The following MSH3 variants were observed in gnomAD, a reference collection of about 807,000 sequenced individuals.
MSH3 encodes mutS homolog 3, also known as DNA mismatch repair protein Msh3.
A neutral mutation model predicts 123.3 loss-of-function variants in MSH3; 106 were observed. The observed-to-expected ratio is 0.86, with a 90% confidence interval of 0.73 to 1.01. MSH3 has a LOEUF of 1.01. MSH3 is among the 50% of genes least tolerant of loss of function. MSH3 has a pLI of 0.00. For missense variants in MSH3, 1,459 were observed against 1,347.6 expected (o/e 1.08, Z -1.29); for synonymous variants, 515 against 481.4 (o/e 1.07, Z -0.91).
intron 15 of MSH3, among the ~76,000 whole-genome samples, chr5:80,772,411 GGAGT>G (rs574122565): frequency 3.5e-4 from 54 of 152,148 alleles, no homozygotes; most frequent in Non-Finnish European, 6.6e-4. Flanking sequence ...AGCAGTTTCT[GGAGT>G]GAGTAAGAGT....
intron 10 of MSH3, among the ~76,000 whole-genome samples, chr5:80,730,037 T>C (rs1037360232): frequency 6.6e-6 from 1 of 152,178 alleles, no homozygotes; most frequent in East Asian, 1.9e-4. Flanking sequence ...GGGTTCTTTT[T>C]GTAATGTCTT....
At chr5:80,701,676 A>C (rs1419321166) in intron 8 of MSH3, among the ~76,000 whole-genome samples, 2 of 152,060 alleles carry the variant, frequency 1.3e-5, no homozygotes, top group Non-Finnish European at 2.9e-5. Flanking sequence ...CTTAGTTCAG[A>C]GCTCCTCTGG....
chr5:80,712,916 T>G (rs1750887006), intron 8 of MSH3, among the ~76,000 whole-genome samples: 1 of 152,148 alleles, frequency 6.6e-6, no homozygotes, highest in African/African-American at 2.4e-5. Context: ...TATGGAGATA[T>G]TAAAGCCAGG....
At chr5:80,855,543 A>C (rs1745901717) in intron 21 of MSH3, 1 of 152,190 alleles carries the variant, frequency 6.6e-6, no homozygotes, top group Admixed American at 6.5e-5. Flanking sequence ...GCATCCTCAG[A>C]TCTAAATTGG....
intron 16 of MSH3, among the ~76,000 whole-genome samples, chr5:80,778,301 T>C (rs1477586675): frequency 6.6e-6 from 1 of 152,234 alleles, no homozygotes; most frequent in Admixed American, 6.5e-5. Flanking sequence ...TTCACTGAAA[T>C]ACTTCAATCA....
intron 8 of MSH3, among the ~76,000 whole-genome samples, chr5:80,706,444 T>C (rs1014306227): frequency 3.9e-5 from 6 of 152,238 alleles, no homozygotes; most frequent in African/African-American, 1.4e-4. Flanking sequence ...TGTAGAGTTC[T>C]TAGAAGAGTA....
chr5:80,824,807 C>G (rs938119710), intron 20 of MSH3, among the ~76,000 whole-genome samples: 1 of 152,174 alleles, frequency 6.6e-6, no homozygotes, highest in Non-Finnish European at 1.5e-5. Context: ...ACATATTTCT[C>G]TATCAGTTTA....
At position 80,778,664 on chromosome 5, in the gene MSH3, A is replaced by T; in HGVS notation, c.2319-56A>T. ...ATAACTAATTTTCTAAAGTGATGGCATTTCGGATTTTTTACTAACCTTGAT... is the reference window on the plus strand; with the variant it reads ...ATAACTAATTTTCTAAAGTGATGGCTTTTCGGATTTTTTACTAACCTTGAT... On this transcript the variant is annotated intron_variant, in intron 16 of 23. Transcript: ENST00000265081. The T allele has an allele frequency of 3.1e-6, 3 of 955,514 alleles. No homozygotes were observed. The East Asian group carries it at 7.1e-5, about 23-fold the overall frequency. 59.2% of individuals were successfully genotyped at this position (955,514 alleles called of 1,614,324 possible).
chr5:80,691,632 A>C (rs1160940298), intron 8 of MSH3, among the ~76,000 whole-genome samples: 1 of 151,034 alleles, frequency 6.6e-6, no homozygotes, highest in Non-Finnish European at 1.5e-5. Context: ...TTTTCACAGA[A>C]ACTGACAAGC....
chr5:80,832,227 TATGGGGAAAGGGGAGAGTTTTCCAGG>T (rs1262933825), intron 20 of MSH3, among the ~76,000 whole-genome samples: 13 of 151,882 alleles, frequency 8.6e-5, no homozygotes, highest in South Asian at 6.2e-4. Flanking sequence ...AGACAGAAAA[TATGGGGAAAGGGGAGAGTTTTCCAGG>T]ATGGGGAAAG....
chr5:80,865,308 T>G (rs1184059505), intron 22 of MSH3, among the ~76,000 whole-genome samples: 2 of 152,190 alleles, frequency 1.3e-5, no homozygotes, highest in African/African-American at 2.4e-5. Flanking sequence ...AGTCATCTTT[T>G]AAAAACGCCC....
At chr5:80,665,493 C>T in intron 3 of MSH3, 130 bp downstream of exon 3, 1 of 709,816 alleles carries the variant, frequency 1.4e-6, no homozygotes, top group Non-Finnish European at 2.4e-6. Flanking sequence ...TCTGAGGGAG[C>T]TTTTGTGTTT....
chr5:80,864,788 CA>C, intron 21 of MSH3, 24 bp from the exon 22 acceptor site: 1 of 1,587,168 alleles, frequency 6.3e-7, no homozygotes, highest in Non-Finnish European at 8.6e-7. Flanking sequence ...AATGAAATAA[CA>C]TTTATTCTGT....
At chr5:80,819,378 G>GTATATATA (rs1561488497) in intron 20 of MSH3, among the ~76,000 whole-genome samples, 1 of 13,842 alleles carries the variant, frequency 7.2e-5, no homozygotes, top group African/African-American at 2.2e-4. Flanking sequence ...GTATATATAT[G>GTATATATA]TGTATATATG....
chr5:80,749,447 T>G (rs537087250), intron 12 of MSH3, among the ~76,000 whole-genome samples: 2 of 152,308 alleles, frequency 1.3e-5, no homozygotes, highest in East Asian at 3.9e-4. Context: ...ATAGCCACAC[T>G]GGCAGCTGAT....
intron 16 of MSH3, among the ~76,000 whole-genome samples, chr5:80,776,243 T>C (rs1744296944): frequency 6.6e-6 from 1 of 152,208 alleles, no homozygotes; most frequent in Non-Finnish European, 1.5e-5. Context: ...TCTTTATCAT[T>C]GATTTTAAAA....
At chr5:80,664,644 CTT>C (rs1749522008) in intron 2 of MSH3, among the ~76,000 whole-genome samples, 1 of 152,170 alleles carries the variant, frequency 6.6e-6, no homozygotes, top group East Asian at 1.9e-4. Context: ...AACCAATCCT[CTT>C]TATTTTAGAA....
intron 8 of MSH3, among the ~76,000 whole-genome samples, chr5:80,722,178 C>T (rs1285195816): frequency 6.6e-6 from 1 of 152,186 alleles, no homozygotes. Context: ...TAAATCAACT[C>T]ATACGATCTC....
chr5:80,808,224 T>G (rs245391), intron 19 of MSH3, among the ~76,000 whole-genome samples: 37,477 of 152,112 alleles, frequency 0.25, 4,893 homozygotes, highest in Non-Finnish European at 0.29. Flanking sequence ...TCTCATTAAT[T>G]ATAATACTTT....
Sources: gnomAD v4.1 joint callset for allele counts (sites outside exome capture counted in the v4.1 genomes callset) on GRCh38, gnomAD v4.1.1 for gene constraint, MANE v1.5 for transcripts, NCBI Gene and HGNC (gene_info 2026-07-23, HGNC 2026-07-21) for gene names.